Variants in CDH7 observed in about 807,000 individuals in gnomAD.
CDH7 encodes the protein cadherin-7.
Under a neutral mutation model 71.8 loss-of-function variants are expected in CDH7, and 25 were observed. That is an observed-to-expected ratio of 0.35 (90% confidence interval 0.25 to 0.49). The LOEUF (loss-of-function observed/expected upper bound fraction) is 0.49. Among genes scored for constraint, CDH7 ranks in the 20% least tolerant of loss-of-function variants. CDH7 has a pLI of 0.99. For missense variants in CDH7, 862 were observed against 974.6 expected, an observed-to-expected ratio of 0.88 and a Z score of 1.54; for synonymous variants, 381 against 363.8, an observed-to-expected ratio of 1.05 and a Z score of -0.54.
At chr18:65,794,319 C>T (rs1181666860) in intron 2 of CDH7, among the ~76,000 whole-genome samples, 2 of 151,836 alleles carry the variant, frequency 1.3e-5, no homozygotes, top group African/African-American at 4.8e-5. Context: ...AGAAGAATAG[C>T]GATGTGTTTT....
chr18:65,753,575 A>G (rs1477307718), intron 1 of CDH7, among the ~76,000 whole-genome samples: 1 of 152,212 alleles, frequency 6.6e-6, no homozygotes. Flanking sequence ...AGGGTTTGAG[A>G]TGGAAGCTTT....
intron 11 of CDH7, among the ~76,000 whole-genome samples, chr18:65,870,249 A>G (rs112421013): frequency 0.028 from 4,252 of 152,258 alleles, 207 homozygotes; most frequent in African/African-American, 0.098. Context: ...CAAAAATAAA[A>G]GTAGTAGAGT....
chr18:65,833,345 T>C (rs957912178), intron 6 of CDH7, among the ~76,000 whole-genome samples: 1 of 152,342 alleles, frequency 6.6e-6, no homozygotes, highest in East Asian at 1.9e-4. Flanking sequence ...ATTTCATAAA[T>C]GTTGCTGATA....
chr18:65,758,584 G>A (rs550547153), intron 1 of CDH7, among the ~76,000 whole-genome samples: 34 of 152,192 alleles, frequency 2.2e-4, no homozygotes, highest in Non-Finnish European at 3.8e-4. Flanking sequence ...AGAAAATTTC[G>A]TCCTCTGATA....
intron 6 of CDH7, among the ~76,000 whole-genome samples, chr18:65,839,591 G>A (rs113705535): frequency 0.011 from 1,619 of 152,216 alleles, 26 homozygotes; most frequent in African/African-American, 0.037. Context: ...TTTTTAAAAT[G>A]CATGTTAAAG....
At chr18:65,817,112 G>C (rs1404112090) in intron 4 of CDH7, among the ~76,000 whole-genome samples, 1 of 152,080 alleles carries the variant, frequency 6.6e-6, no homozygotes, top group Non-Finnish European at 1.5e-5. Context: ...GACGGCATAG[G>C]TCATCTAGCC....
chr18:65,814,304 T>C (rs185532574), intron 3 of CDH7, among the ~76,000 whole-genome samples, 181 bp from the exon 4 acceptor site: 50 of 151,982 alleles, frequency 3.3e-4, no homozygotes, highest in African/African-American at 1.2e-3. Flanking sequence ...TTATTAATAT[T>C]TATGATCTCT....
chr18:65,790,884 A>G (rs1209441158), intron 2 of CDH7, among the ~76,000 whole-genome samples: 1 of 152,206 alleles, frequency 6.6e-6, no homozygotes, highest in African/African-American at 2.4e-5. Context: ...AAAACAAAAT[A>G]AAACAAACAA....
intron 2 of CDH7, among the ~76,000 whole-genome samples, chr18:65,774,211 A>G (rs1485625468): frequency 6.6e-6 from 1 of 152,008 alleles, no homozygotes; most frequent in African/African-American, 2.4e-5. Context: ...TGTTATTAAT[A>G]TTATGATCAT....
At chr18:65,845,024 C>G (rs1403755465) in intron 7 of CDH7, among the ~76,000 whole-genome samples, 1 of 151,872 alleles carries the variant, frequency 6.6e-6, no homozygotes, top group Non-Finnish European at 1.5e-5. Context: ...TTTGAACTAA[C>G]TTTTGAGATA....
At chr18:65,752,816 A>C (rs1470583712) in intron 1 of CDH7, among the ~76,000 whole-genome samples, 1 of 152,206 alleles carries the variant, frequency 6.6e-6, no homozygotes, top group Non-Finnish European at 1.5e-5. Flanking sequence ...AATCAGTAGC[A>C]CAGACCATCA....
chr18:65,809,667 T>G, intron 2 of CDH7, 37 bp from the exon 3 acceptor site: 1 of 1,553,684 alleles, frequency 6.4e-7, no homozygotes, highest in Non-Finnish European at 8.8e-7. Flanking sequence ...CTGACTCTCT[T>G]GTAAGTTAAT....
intron 3 of CDH7, among the ~76,000 whole-genome samples, chr18:65,813,059 G>A (rs976337069): frequency 2.7e-4 from 41 of 152,222 alleles, no homozygotes; most frequent in African/African-American, 9.2e-4. Flanking sequence ...CAGGCTGGGT[G>A]TGGTGGCTCA....
chr18:65,853,920 T>TATATATCC (rs1555689478), intron 7 of CDH7, among the ~76,000 whole-genome samples: 4 of 70,598 alleles, frequency 5.7e-5, no homozygotes, highest in African/African-American at 3.0e-4. Context: ...TATATATATA[T>TATATATCC]ATATATATAT....
intron 2 of CDH7, among the ~76,000 whole-genome samples, chr18:65,771,937 A>G (rs1476218129): frequency 6.6e-6 from 1 of 152,114 alleles, no homozygotes; most frequent in African/African-American, 2.4e-5. Flanking sequence ...ATTTCTCAAG[A>G]TGGGGCTGTG....
chr18:65,787,957 C>T (rs553018765), intron 2 of CDH7, among the ~76,000 whole-genome samples: 4 of 152,190 alleles, frequency 2.6e-5, no homozygotes, highest in Admixed American at 2.0e-4. Context: ...ATCCCATTTA[C>T]TTTTTAACAG....
rs2143918207 is a variant in CDH7, at chr18:65,814,611, ATTGAAATGTGACATTC to A, written c.625+11_625+26del. On this transcript the variant is annotated splice_region_variant and intron_variant, in intron 4 of 11. Transcript: ENST00000397968. Reference sequence around the variant, plus strand: ...TCAGTGGAGCCAAAGACAGGTAAAAATTGAAATGTGACATTCTTGTAAAGTCATCATTTGTTTGCTG... The same window carrying A: ...TCAGTGGAGCCAAAGACAGGTAAAAATTGTAAAGTCATCATTTGTTTGCTG... 1 of 1,603,068 alleles carries A rather than the reference ATTGAAATGTGACATTC, an allele frequency of 6.2e-7. No individual in the cohort carries two copies. Among genetic ancestry groups the A allele is most frequent in the East Asian group, 2.2e-5 (1 of 44,740 alleles).
At chr18:65,781,727 C>A (rs918439719) in intron 2 of CDH7, among the ~76,000 whole-genome samples, 2 of 151,828 alleles carry the variant, frequency 1.3e-5, no homozygotes, top group Admixed American at 1.3e-4. Context: ...AGCAAACAAC[C>A]TTTCTAGCTA....
At chr18:65,840,001 A>G (rs1912669454) in intron 6 of CDH7, among the ~76,000 whole-genome samples, 1 of 152,208 alleles carries the variant, frequency 6.6e-6, no homozygotes. Flanking sequence ...AAAACCATAC[A>G]GAATTTAAAA....
Sources: allele counts gnomAD v4.1 joint callset (sites outside exome capture counted in the v4.1 genomes callset), GRCh38; gene constraint gnomAD v4.1.1; transcripts MANE v1.5; gene names NCBI Gene and HGNC (gene_info 2026-07-23, HGNC 2026-07-21).